Variants in CDC14B observed in about 807,000 individuals in gnomAD.
CDC14B encodes the protein dual specificity protein phosphatase CDC14B.
CDC14B carries 22 observed loss-of-function variants against 64.2 expected under a neutral mutation model. The observed-to-expected ratio is 0.34, with a 90% CI of 0.24 to 0.49. The LOEUF is 0.49. Ranked by LOEUF, CDC14B falls within the 20% of genes least tolerant of loss-of-function variation. The pLI is 0.99. For missense variants in CDC14B, 498 were observed against 629.9 expected (o/e 0.79, Z 2.24); for synonymous variants, 191 against 215.8 (o/e 0.89, Z 1.01).
At chr9:96,570,065 T>G (rs1369483293) in intron 1 of CDC14B, among the ~76,000 whole-genome samples, 1 of 152,134 alleles carries the variant, frequency 6.6e-6, no homozygotes, top group East Asian at 1.9e-4. Flanking sequence ...TTGAGTAACA[T>G]GATATAGGAG....
At chr9:96,612,128 A>G (rs958184522) in intron 1 of CDC14B, among the ~76,000 whole-genome samples, 1 of 152,246 alleles carries the variant, frequency 6.6e-6, no homozygotes, top group Admixed American at 6.5e-5. Context: ...ATCCCAAGGC[A>G]GAAAAGATGA....
intron 1 of CDC14B, among the ~76,000 whole-genome samples, chr9:96,567,923 G>C (rs781421167): frequency 1.3e-5 from 2 of 151,920 alleles, no homozygotes; most frequent in African/African-American, 4.8e-5. Context: ...AACATCTCAC[G>C]TACCCCATAA....
chr9:96,532,319 C>T (rs1265815017), intron 9 of CDC14B, among the ~76,000 whole-genome samples: 2 of 152,156 alleles, frequency 1.3e-5, no homozygotes, highest in African/African-American at 4.8e-5. Context: ...CCACTGCCTT[C>T]TGGCCTGCAA....
chr9:96,531,139 A>G (rs774758371), intron 9 of CDC14B, among the ~76,000 whole-genome samples: 4 of 152,132 alleles, frequency 2.6e-5, no homozygotes, highest in Non-Finnish European at 2.9e-5. Context: ...TGTTTTTGGT[A>G]TCAGGGTAAT....
intron 1 of CDC14B, among the ~76,000 whole-genome samples, chr9:96,601,087 A>G (rs553819025): frequency 6.6e-6 from 1 of 152,302 alleles, no homozygotes; most frequent in African/African-American, 2.4e-5. Context: ...AGTACTTGGA[A>G]TATTTATCTT....
At chr9:96,549,552 C>A (rs1372094890) in intron 5 of CDC14B, among the ~76,000 whole-genome samples, 1 of 152,050 alleles carries the variant, frequency 6.6e-6, no homozygotes, top group Non-Finnish European at 1.5e-5. Flanking sequence ...GTAGTCCTAG[C>A]TACTCGGGAG....
chr9:96,553,679 G>A (rs1220859116), intron 4 of CDC14B, among the ~76,000 whole-genome samples: 2 of 151,852 alleles, frequency 1.3e-5, no homozygotes, highest in Non-Finnish European at 2.9e-5. Flanking sequence ...GATCTTCTAA[G>A]CATCAACCTA....
At chr9:96,540,206 T>C (rs948903961) in intron 6 of CDC14B, among the ~76,000 whole-genome samples, 6 of 152,216 alleles carry the variant, frequency 3.9e-5, no homozygotes, top group African/African-American at 1.4e-4. Context: ...CATGAGGTGA[T>C]CTTATTGGAA....
chr9:96,533,436 T>C (rs923542176), intron 9 of CDC14B, among the ~76,000 whole-genome samples: 4 of 152,218 alleles, frequency 2.6e-5, no homozygotes, highest in Admixed American at 6.5e-5. Context: ...CTTGCTGAGC[T>C]TTTTTTCCAA....
intron 9 of CDC14B, 52 bp from the exon 10 acceptor site, chr9:96,523,777 A>G: frequency 1.9e-6 from 3 of 1,584,218 alleles, no homozygotes; most frequent in Non-Finnish European, 2.6e-6. Context: ...GTACTCCAGG[A>G]TTTTGTTGGG....
intron 12 of CDC14B, among the ~76,000 whole-genome samples, chr9:96,519,114 C>T (rs1417377394): frequency 3.3e-5 from 5 of 151,498 alleles, no homozygotes; most frequent in Non-Finnish European, 5.9e-5. Flanking sequence ...CCAGCCTGGG[C>T]GACAGGGCGA....
At chr9:96,607,090 A>G (rs1846998565) in intron 1 of CDC14B, among the ~76,000 whole-genome samples, 1 of 152,088 alleles carries the variant, frequency 6.6e-6, no homozygotes, top group East Asian at 1.9e-4. Context: ...GATTAAAAAA[A>G]ACAAAAAAAA....
At chr9:96,587,247 C>T (rs1174144616) in intron 1 of CDC14B, among the ~76,000 whole-genome samples, 1 of 152,138 alleles carries the variant, frequency 6.6e-6, no homozygotes, top group East Asian at 1.9e-4. Context: ...ACATCACCAT[C>T]CAAAAGAACT....
chr9:96,503,818 C>G (rs775387094), intron 13 of CDC14B, 29 bp from the exon 14 acceptor site: 41 of 1,601,394 alleles, frequency 2.6e-5, no homozygotes, highest in Non-Finnish European at 3.2e-5. Context: ...GGATTTTTAC[C>G]AGAAAGTTTA....
rs1224834374 is a variant in CDC14B at position 96,503,807 on chromosome 9, A to AT, written c.1461-19_1461-18insA. ...TGGAGAGACTACAGGGGGAAAAAAA[A>AT]GGATTTTTACCAGAAAGTTTACACA... On this transcript the variant is annotated intron_variant, in intron 13 of 13. Transcript: ENST00000375241. 5.6e-6 allele frequency: 9 copies of AT among 1,609,536 alleles called. No homozygotes were observed. The highest frequency in any genetic ancestry group is 4.5e-5 in the East Asian group (2 of 44,872).
chr9:96,548,127 T>C (rs1182585161), intron 5 of CDC14B, among the ~76,000 whole-genome samples: 2 of 152,096 alleles, frequency 1.3e-5, no homozygotes, highest in East Asian at 1.9e-4. Context: ...GCCCAGCCTA[T>C]TGTTTCTGTT....
chr9:96,509,577 T>C, intron 13 of CDC14B, 96 bp downstream of exon 13: 1 of 775,972 alleles, frequency 1.3e-6, no homozygotes. Context: ...CTCTACTTTC[T>C]CCTAATTTCA....
chr9:96,596,473 A>G (rs1394838873), intron 1 of CDC14B, among the ~76,000 whole-genome samples: 2 of 152,140 alleles, frequency 1.3e-5, no homozygotes, highest in Non-Finnish European at 2.9e-5. Flanking sequence ...TACACTGGAT[A>G]GGACTAATGG....
At position 96,585,630 on chromosome 9, in the gene CDC14B, A is replaced by C. The variant is rs181384964; in HGVS notation, c.161-20147T>G. Among the ~76,000 whole-genome samples, 157 of 152,302 alleles carry C rather than the reference A, an allele frequency of 1.0e-3. 1 individual carries two copies. The highest frequency in any genetic ancestry group is 0.01 in the Admixed American group (157 of 15,280). On this transcript the variant is annotated intron_variant, in intron 1 of 13. Coordinates refer to ENST00000375241, the MANE Select transcript of CDC14B (RefSeq NM_033331.4). ...AAATGACAACACCAATTGTTGGAGA[A>C]GATGTAGTGCAATTAGAATTCATAC...
Sources: allele counts gnomAD v4.1 joint callset (sites outside exome capture counted in the v4.1 genomes callset), GRCh38; gene constraint gnomAD v4.1.1; transcripts MANE v1.5; gene names NCBI Gene and HGNC (gene_info 2026-07-23, HGNC 2026-07-21).